CEMIP: variants seen among roughly 807,000 people sequenced by gnomAD.
CEMIP encodes the protein cell migration inducing hyaluronidase 1, also known as cell migration-inducing and hyaluronan-binding protein.
Under a neutral mutation model 156.9 loss-of-function variants are expected in CEMIP, and 105 were observed. That is an observed-to-expected ratio of 0.67 (90% confidence interval 0.57 to 0.79). CEMIP has a LOEUF of 0.79. Among genes scored for constraint, CEMIP ranks in the 30% least tolerant of loss-of-function variants. The pLI, the probability that CEMIP is intolerant of heterozygous loss-of-function variation, is 0.00. For synonymous variants in CEMIP, 676 were observed against 668.4 expected (o/e 1.01, Z -0.17); for missense variants, 1,457 against 1,769.4 (o/e 0.82, Z 3.17).
rs535131080 is a variant in CEMIP, at chr15:80,888,905, A to C, written c.964+109A>C. The C allele has an allele frequency of 4.6e-4, 475 of 1,030,304 alleles. 2 individuals are homozygous for C. Among genetic ancestry groups the C allele is most frequent in the South Asian group, 1.1e-3 (87 of 78,262 alleles). The allele number at this position is 1,030,304 out of a possible 1,614,324, so 63.8% of individuals were successfully genotyped here. A position where few individuals can be genotyped will look rare whatever the true frequency, so the allele number is the denominator to read the frequency against. On this transcript the variant is annotated intron_variant, in intron 9 of 29. Transcript: ENST00000394685. ...CTCTTATACCAGTAGGACCACTTTA[A>C]TTTTTGCAGAATCAACTAAAAATGT...
At chr15:80,939,037 G>A (rs772582554) in intron 25 of CEMIP, among the ~76,000 whole-genome samples, 31 of 152,068 alleles carry the variant, frequency 2.0e-4, no homozygotes, top group Non-Finnish European at 4.3e-4. Flanking sequence ...GGATGGGAGG[G>A]CAATAAAAAA....
At chr15:80,874,046 T>C in intron 3 of CEMIP, 73 bp downstream of exon 3, 1 of 1,404,228 alleles carries the variant, frequency 7.1e-7, no homozygotes, top group Non-Finnish European at 9.8e-7. Context: ...GCAAGGCTGC[T>C]TTTGGGGGAG....
intron 1 of CEMIP, among the ~76,000 whole-genome samples, chr15:80,869,480 C>T (rs1365428691): frequency 6.6e-6 from 1 of 152,180 alleles, no homozygotes; most frequent in Non-Finnish European, 1.5e-5. Flanking sequence ...AGGGAAGTGT[C>T]CAGAGTCATT....
chr15:80,803,637 G>A (rs572456092), intron 1 of CEMIP, among the ~76,000 whole-genome samples: 1 of 152,272 alleles, frequency 6.6e-6, no homozygotes, highest in Admixed American at 6.5e-5. Context: ...CATGCAGTTG[G>A]TTCTAGACCA....
intron 1 of CEMIP, among the ~76,000 whole-genome samples, chr15:80,784,365 C>A (rs79115383): frequency 6.6e-6 from 1 of 152,126 alleles, no homozygotes; most frequent in Admixed American, 6.5e-5. Flanking sequence ...AGACATCACA[C>A]GGAGGAGGGA....
In CEMIP at chr15:80,936,869, CTCA is replaced by C. The variant is rs1213950073; in HGVS notation, c.3209_3211del (p.Ile1070del). On this transcript the variant is annotated inframe_deletion, in exon 24 of 30. Transcript: ENST00000394685. ...GGCCCCCGCCGAACTCGCCATCTGGCTCATCAACTTCAACAAGTGAGTGGGTGT... is the reference window on the plus strand; with the variant it reads ...GGCCCCCGCCGAACTCGCCATCTGGCTCAACTTCAACAAGTGAGTGGGTGT... The C allele has an allele frequency of 6.2e-7, 1 of 1,614,006 alleles. No homozygotes were observed. Among genetic ancestry groups the C allele is most frequent in the Non-Finnish European group, 8.5e-7 (1 of 1,180,028 alleles).
Position 80,906,345 on chromosome 15 carries a change from T to C in CEMIP, c.1412-318T>C, listed in dbSNP as rs1899802267. On this transcript the variant is annotated intron_variant, in intron 12 of 29. Transcript: ENST00000394685. This position sits in a 1 kb window ranked among gnomAD's most constrained non-coding sequence, Gnocchi z 4.3. Reference sequence around the variant, plus strand: ...ACTACAGGGAGGCTGAGAAATGTCATTCCCTTGGGTGGCCCTGTGTCCAGC... The same window carrying C: ...ACTACAGGGAGGCTGAGAAATGTCACTCCCTTGGGTGGCCCTGTGTCCAGC... 6.6e-6 allele frequency among the ~76,000 whole-genome samples: 1 copy of C among 152,176 alleles called. No individual in the cohort carries two copies. The highest frequency in any genetic ancestry group is 2.4e-5 in the African/African-American group (1 of 41,444).
intron 1 of CEMIP, among the ~76,000 whole-genome samples, chr15:80,815,253 T>G (rs1170577191): frequency 6.6e-6 from 1 of 152,236 alleles, no homozygotes; most frequent in African/African-American, 2.4e-5. Flanking sequence ...GAGATTAGGT[T>G]TCTTCATCTG....
At chr15:80,783,654 G>A (rs1895853262) in intron 1 of CEMIP, among the ~76,000 whole-genome samples, 1 of 152,200 alleles carries the variant, frequency 6.6e-6, no homozygotes, top group African/African-American at 2.4e-5. Context: ...TTGCTAATTT[G>A]AGTAGGATGG....
intron 1 of CEMIP, among the ~76,000 whole-genome samples, chr15:80,852,494 T>C (rs562298926): frequency 1.1e-4 from 16 of 152,310 alleles, no homozygotes; most frequent in Non-Finnish European, 1.9e-4. Context: ...CTGTTACTTT[T>C]AATAGTTGCG....
Position 80,894,992 on chromosome 15 carries a change from C to T in CEMIP, c.1089C>T (p.Ala363=), listed in dbSNP as rs771702574. 5.0e-6 allele frequency: 8 copies of T among 1,613,986 alleles called. No individual in the cohort carries two copies. Among genetic ancestry groups the T allele is most frequent in the Non-Finnish European group, 6.8e-6 (8 of 1,180,024 alleles). The part of the protein sequence containing the change: ...KICNRPIDIQ[A]TTMDGVNLST... The stretch of plus-strand genomic sequence containing the variant: ...TGTAATTTCTGTGTCATTCCCAGGC[C>T]ACTACAATGGATGGAGTTAACCTCA... The change falls in exon 11 of 30, where the codon GCC becomes GCT. Residue 363 remains alanine (A), a splice_region_variant and synonymous_variant. Coordinates refer to ENST00000394685, the MANE Select transcript of CEMIP (RefSeq NM_001293298.2).
chr15:80,921,055 C>T lies in CEMIP; in HGVS notation c.2027C>T (p.Ala676Val), dbSNP rs1388660891. The T allele has an allele frequency of 1.9e-6, 3 of 1,613,998 alleles. No homozygotes were observed. Among genetic ancestry groups the T allele is most frequent in the Admixed American group, 1.7e-5 (1 of 60,002 alleles). Reference protein sequence around the residue: ...DCNAVSTFWMANPNNNLINCA... With the variant: ...DCNAVSTFWMVNPNNNLINCA... ...AGTGCTGTGTCCACCTTCTGGATGG[C>T]CAATCCCAACAACAACCTCATCAAC... Residue 676 changes from alanine (A) to valine (V), a missense_variant, in exon 16 of 30, where the codon GCC (alanine) becomes GTC (valine). This residue lies in a region of CEMIP where 798 missense variants were observed against 980.1 expected (regional missense o/e 0.81). Coordinates refer to ENST00000394685, the MANE Select transcript of CEMIP (RefSeq NM_001293298.2).
intron 1 of CEMIP, among the ~76,000 whole-genome samples, chr15:80,857,602 C>T (rs1897884574): frequency 6.6e-6 from 1 of 152,208 alleles, no homozygotes; most frequent in South Asian, 2.1e-4. Context: ...GCAAACTTCA[C>T]CGTGCACATT....
intron 1 of CEMIP, among the ~76,000 whole-genome samples, chr15:80,792,617 C>T (rs1403037875): frequency 6.6e-6 from 1 of 152,202 alleles, no homozygotes; most frequent in Non-Finnish European, 1.5e-5. Flanking sequence ...CATGTCTCTT[C>T]CAATTGTCAA....
intron 3 of CEMIP, among the ~76,000 whole-genome samples, 179 bp downstream of exon 3, chr15:80,874,152 C>T (rs182055932): frequency 1.3e-5 from 2 of 152,366 alleles, no homozygotes; most frequent in Non-Finnish European, 2.9e-5. Context: ...TCCTGGGCTT[C>T]AGTTTCATCA....
intron 1 of CEMIP, among the ~76,000 whole-genome samples, chr15:80,846,561 G>A (rs759182388): frequency 6.6e-6 from 1 of 152,188 alleles, no homozygotes; most frequent in Admixed American, 6.5e-5. Flanking sequence ...TTCTCACCGG[G>A]GTGGTACTGA....
intron 1 of CEMIP, among the ~76,000 whole-genome samples, chr15:80,818,454 A>C (rs1382312644): frequency 1.3e-5 from 2 of 152,250 alleles, no homozygotes; most frequent in Non-Finnish European, 2.9e-5. Context: ...ATTTCTGAAC[A>C]GTTTTAATTT....
At chr15:80,868,242 G>A (rs1596144814) in intron 1 of CEMIP, among the ~76,000 whole-genome samples, 1 of 152,228 alleles carries the variant, frequency 6.6e-6, no homozygotes, top group East Asian at 1.9e-4. Context: ...CCTTCCCCAA[G>A]CTCACCCAGG....
intron 1 of CEMIP, among the ~76,000 whole-genome samples, chr15:80,847,504 T>C (rs1897592341): frequency 6.6e-6 from 1 of 152,108 alleles, no homozygotes. Context: ...CTCAGGACCA[T>C]GTTGTGAAGA....
Sources: allele counts gnomAD v4.1 joint callset (sites outside exome capture counted in the v4.1 genomes callset), GRCh38; gene constraint gnomAD v4.1.1; regional missense constraint gnomAD v4.1.1; non-coding constraint Gnocchi (gnomAD v3.1); transcripts MANE v1.5; gene names NCBI Gene and HGNC (gene_info 2026-07-23, HGNC 2026-07-21).